ARHGAP24: variants seen among roughly 807,000 people sequenced by gnomAD.
The protein encoded by ARHGAP24 is Rho GTPase activating protein 24.
A neutral mutation model predicts 76.4 loss-of-function variants in ARHGAP24; 50 were observed. The observed-to-expected ratio is 0.65, with a 90% confidence interval of 0.52 to 0.83. ARHGAP24 has a LOEUF of 0.83. ARHGAP24 is among the 40% of genes least tolerant of loss of function. The pLI, the probability that ARHGAP24 is intolerant of heterozygous loss-of-function variation, is 0.00. For missense variants in ARHGAP24, 930 were observed against 914.2 expected, an observed-to-expected ratio of 1.02 and a Z score of -0.22; for synonymous variants, 345 against 323.3, an observed-to-expected ratio of 1.07 and a Z score of -0.72.
chr4:85,630,336 T>C (rs983094630), intron 2 of ARHGAP24, among the ~76,000 whole-genome samples: 2 of 152,226 alleles, frequency 1.3e-5, no homozygotes, highest in African/African-American at 4.8e-5. Flanking sequence ...TTCAGACAAC[T>C]TGTAGATTTC....
chr4:85,907,255 G>A (rs1734818756), intron 3 of ARHGAP24, among the ~76,000 whole-genome samples: 1 of 152,058 alleles, frequency 6.6e-6, no homozygotes, highest in Non-Finnish European at 1.5e-5. Context: ...TTGTCATTTG[G>A]CTTTCCTGTA....
rs56272553 is a variant in ARHGAP24, at chr4:85,570,364, CTCTTTCTTTCTTTCTT to C, written c.-20-119_-20-104del. 2.1e-3 allele frequency among the ~76,000 whole-genome samples: 293 copies of C among 140,050 alleles called. 3 individuals carry two copies. The highest frequency in any genetic ancestry group is 7.6e-3 in the African/African-American group (282 of 37,118). The allele number at this position is 140,050 out of a possible 152,430, so 91.9% of individuals were successfully genotyped here. A position where few individuals can be genotyped will look rare whatever the true frequency, so the allele number is the denominator to read the frequency against. On this transcript the variant is annotated intron_variant, in intron 1 of 9. Coordinates refer to ENST00000395184, the MANE Select transcript of ARHGAP24 (RefSeq NM_001025616.3). ...TTTTTTCTTTCTTCTTTCTTTCTTT[CTCTTTCTTTCTTTCTT>C]TCTTTCTTTCTTTCTTTCTTTCTTT...
chr4:85,558,068 T>C (rs531708193), intron 1 of ARHGAP24, among the ~76,000 whole-genome samples: 58 of 152,302 alleles, frequency 3.8e-4, no homozygotes, highest in Non-Finnish European at 6.8e-4. Context: ...ATCCTTTCAG[T>C]GTCTTCCCTA....
At position 85,882,782 on chromosome 4, in the gene ARHGAP24, T is replaced by G. The variant is rs571381041; in HGVS notation, c.269-40866T>G. Among the ~76,000 whole-genome samples, 10 of 152,332 alleles carry G rather than the reference T, an allele frequency of 6.6e-5. No homozygotes were observed. In the East Asian group the frequency reaches 1.9e-3, roughly 29 times the overall value. ...GACAATGCTGGTGTCAATGTATAAC[T>G]ATCTAAACCCCAGTGATTTGACTGA... On this transcript the variant is annotated intron_variant, in intron 3 of 9. Transcript: ENST00000395184.
At chr4:85,509,952 T>C (rs905323923) in intron 1 of ARHGAP24, among the ~76,000 whole-genome samples, 6 of 152,192 alleles carry the variant, frequency 3.9e-5, no homozygotes, top group African/African-American at 9.7e-5. Flanking sequence ...AGCACAAAGA[T>C]AGAGTGGTGG....
At chr4:85,904,699 A>C (rs1462559553) in intron 3 of ARHGAP24, among the ~76,000 whole-genome samples, 3 of 152,252 alleles carry the variant, frequency 2.0e-5, no homozygotes, top group Non-Finnish European at 4.4e-5. Flanking sequence ...GAAATGAAAT[A>C]CCAAGGATTT....
intron 1 of ARHGAP24, among the ~76,000 whole-genome samples, chr4:85,490,012 G>T (rs2110093010): frequency 6.6e-6 from 1 of 152,258 alleles, no homozygotes; most frequent in East Asian, 1.9e-4. Flanking sequence ...ATTAGTGTAT[G>T]ACATCATTTA....
At chr4:85,722,339 C>A in intron 3 of ARHGAP24, 3 of 168,076 alleles carry the variant, frequency 1.8e-5, no homozygotes, top group Admixed American at 1.2e-4. Context: ...GAATCACTGA[C>A]ATATTTCCTC....
intron 2 of ARHGAP24, among the ~76,000 whole-genome samples, chr4:85,593,293 T>C (rs187903146): frequency 1.6e-3 from 246 of 152,308 alleles, no homozygotes; most frequent in Middle Eastern, 6.8e-3. Context: ...GCCTGCATTT[T>C]AATTGGATTA....
intron 2 of ARHGAP24, among the ~76,000 whole-genome samples, chr4:85,644,250 G>A (rs537771807): frequency 8.5e-5 from 13 of 152,170 alleles, no homozygotes; most frequent in Admixed American, 7.9e-4. Flanking sequence ...CATAAGAACT[G>A]CTTGATAATG....
chr4:85,757,689 G>A (rs990717719), intron 3 of ARHGAP24, among the ~76,000 whole-genome samples: 4 of 152,152 alleles, frequency 2.6e-5, no homozygotes, highest in African/African-American at 7.2e-5. Context: ...GTGTGCATGT[G>A]TCTTTATAGC....
intron 3 of ARHGAP24, among the ~76,000 whole-genome samples, chr4:85,726,110 C>T (rs780776376): frequency 1.3e-4 from 20 of 152,268 alleles, no homozygotes; most frequent in Non-Finnish European, 2.2e-4. Flanking sequence ...CCCCTCAAAA[C>T]AGTCAGGGCC....
rs139952760 is a variant in ARHGAP24, at chr4:85,610,846, T to A, written c.180+40125T>A. 1.5e-3 allele frequency among the ~76,000 whole-genome samples: 226 copies of A among 152,218 alleles called. 2 individuals are homozygous for A. The highest frequency in any genetic ancestry group is 5.0e-3 in the African/African-American group (207 of 41,528). ...GGCTCTTACATTTTTACTTGAAGAG[T>A]TAGGCTGCATATTGAAGTAAGTTAG... On this transcript the variant is annotated intron_variant, in intron 2 of 9. Coordinates refer to ENST00000395184, the MANE Select transcript of ARHGAP24 (RefSeq NM_001025616.3).
intron 1 of ARHGAP24, among the ~76,000 whole-genome samples, chr4:85,494,810 G>C (rs1723494012): frequency 6.6e-6 from 1 of 152,070 alleles, no homozygotes; most frequent in Non-Finnish European, 1.5e-5. Context: ...AAGAAAAAGA[G>C]TGACCTGGCC....
At chr4:85,744,432 C>A (rs979019937) in intron 3 of ARHGAP24, among the ~76,000 whole-genome samples, 1 of 152,050 alleles carries the variant, frequency 6.6e-6, no homozygotes, top group Middle Eastern at 3.2e-3. Context: ...ATATAAGGCC[C>A]AAGTCACAAA....
chr4:85,718,896 A>T (rs73835543), intron 2 of ARHGAP24, among the ~76,000 whole-genome samples: 7,508 of 152,280 alleles, frequency 0.049, 560 homozygotes, highest in African/African-American at 0.17. Flanking sequence ...TAAGATTTCA[A>T]GGAGGTAGCA....
chr4:85,698,690 C>A (rs572306661), intron 2 of ARHGAP24, among the ~76,000 whole-genome samples: 11 of 152,270 alleles, frequency 7.2e-5, no homozygotes, highest in African/African-American at 2.6e-4. Flanking sequence ...TGGGTTCTGG[C>A]GAGGGCTTCT....
chr4:85,674,796 C>T (rs1455800931), intron 2 of ARHGAP24, among the ~76,000 whole-genome samples: 3 of 152,172 alleles, frequency 2.0e-5, no homozygotes, highest in African/African-American at 4.8e-5. Context: ...TCCATGACTC[C>T]TATAACCATC....
chr4:85,894,342 T>C lies in ARHGAP24; in HGVS notation c.269-29306T>C, dbSNP rs367859430. 5.1e-4 allele frequency among the ~76,000 whole-genome samples: 78 copies of C among 152,036 alleles called. No homozygotes were observed. In the East Asian group the frequency reaches 5.6e-3, roughly 11 times the overall value. ...CACACAAGAAGAGGGTCACTATTTATAGGGAAGGTAGAAGACATACCAAAA... is the reference window on the plus strand; with the variant it reads ...CACACAAGAAGAGGGTCACTATTTACAGGGAAGGTAGAAGACATACCAAAA... On this transcript the variant is annotated intron_variant, in intron 3 of 9. Coordinates refer to ENST00000395184, the MANE Select transcript of ARHGAP24 (RefSeq NM_001025616.3).
Sources: allele counts gnomAD v4.1 joint callset (sites outside exome capture counted in the v4.1 genomes callset), GRCh38; gene constraint gnomAD v4.1.1; transcripts MANE v1.5; gene names NCBI Gene and HGNC (gene_info 2026-07-23, HGNC 2026-07-21).